The following HAPLN1 variants were observed in gnomAD, a reference collection of about 807,000 sequenced individuals.
The protein encoded by HAPLN1 is Cartilage link protein.
In HAPLN1, 13 loss-of-function variants were observed where a neutral mutation model predicts 36.5. The ratio of observed to expected loss-of-function variants is 0.36; its 90% CI spans 0.23 to 0.57. HAPLN1 has a LOEUF of 0.57. Among genes scored for constraint, HAPLN1 ranks in the 20% least tolerant of loss-of-function variants. The pLI is 0.83. For synonymous variants in HAPLN1, 202 were observed against 169.8 expected, an observed-to-expected ratio of 1.19 and a Z score of -1.48; for missense variants, 407 against 439.7, an observed-to-expected ratio of 0.93 and a Z score of 0.66.
chr5:83,668,200 G>T (rs904603147), intron 2 of HAPLN1, among the ~76,000 whole-genome samples: 1 of 152,118 alleles, frequency 6.6e-6, no homozygotes, highest in African/African-American at 2.4e-5. Flanking sequence ...TTGTGGTAGA[G>T]ACAGATGACA....
At chr5:83,664,351 C>A (rs1207400294) in intron 2 of HAPLN1, among the ~76,000 whole-genome samples, 1 of 151,882 alleles carries the variant, frequency 6.6e-6, no homozygotes, top group Non-Finnish European at 1.5e-5. Context: ...ACTGCCCCCT[C>A]AGTGCTCTCT....
intron 2 of HAPLN1, among the ~76,000 whole-genome samples, chr5:83,660,975 G>T (rs1345551988): frequency 6.6e-6 from 1 of 152,112 alleles, no homozygotes; most frequent in African/African-American, 2.4e-5. Context: ...TGTGCCTGGT[G>T]TACAAAACAG....
At chr5:83,711,814 A>G (rs1054574051) in intron 1 of HAPLN1, among the ~76,000 whole-genome samples, 2 of 152,144 alleles carry the variant, frequency 1.3e-5, no homozygotes, top group African/African-American at 4.8e-5. Flanking sequence ...GATGACACGA[A>G]CTAGGCTTGG....
intron 1 of HAPLN1, among the ~76,000 whole-genome samples, chr5:83,682,894 A>G (rs1017493168): frequency 2.0e-5 from 3 of 152,028 alleles, no homozygotes; most frequent in Non-Finnish European, 4.4e-5. Flanking sequence ...ATTCTCATTT[A>G]CAACTTCTTT....
intron 1 of HAPLN1, among the ~76,000 whole-genome samples, chr5:83,706,161 G>A (rs968147090): frequency 6.8e-6 from 1 of 146,810 alleles, no homozygotes; most frequent in Non-Finnish European, 1.5e-5. Context: ...AATTCCACCA[G>A]TTGTACAAGA....
chr5:83,693,892 A>C (rs2112622654), intron 1 of HAPLN1, among the ~76,000 whole-genome samples: 1 of 152,038 alleles, frequency 6.6e-6, no homozygotes, highest in East Asian at 1.9e-4. Flanking sequence ...TGATGGAACA[A>C]GTAAGCAGAA....
At position 83,644,522 on chromosome 5, in the gene HAPLN1, T is replaced by C. The variant is rs747250371; in HGVS notation, c.616A>G (p.Asn206Asp). The C allele has an allele frequency of 5.6e-6, 9 of 1,612,050 alleles. No individual in the cohort carries two copies. The highest frequency in any genetic ancestry group is 5.0e-5 in the Admixed American group (3 of 59,734). The change falls in exon 4 of 5, where the codon AAT (asparagine) becomes GAT (aspartate). Residue 206 changes from asparagine (N) to aspartate (D), a missense_variant. Coordinates refer to ENST00000274341, the MANE Select transcript of HAPLN1 (RefSeq NM_001884.4). The stretch of plus-strand genomic sequence containing the variant: ...GAGCCATCACTGAGCCAGCCGGCAT[T>C]GCACCAGTCCAGCCCGCCCCGCCAG... Reference protein sequence around the residue: ...DAWRGGLDWCNAGWLSDGSVQ... With the variant: ...DAWRGGLDWCDAGWLSDGSVQ...
intron 1 of HAPLN1, among the ~76,000 whole-genome samples, chr5:83,697,579 A>C (rs1751421258): frequency 6.6e-6 from 1 of 152,300 alleles, no homozygotes; most frequent in East Asian, 1.9e-4. Flanking sequence ...TATGGTAACT[A>C]TATGTTGAGC....
chr5:83,652,394 A>T, intron 3 of HAPLN1, 59 bp downstream of exon 3: 1 of 1,449,556 alleles, frequency 6.9e-7, no homozygotes, highest in Non-Finnish European at 9.2e-7. Context: ...ACTCTTCATG[A>T]AAAAAAAAGC....
At chr5:83,675,456 G>A (rs1580142277) in intron 1 of HAPLN1, 1 of 152,218 alleles carries the variant, frequency 6.6e-6, no homozygotes, top group East Asian at 1.9e-4. Flanking sequence ...GTTCACGTTA[G>A]TGTGGTCATG....
rs1248172103 is a variant in HAPLN1 at position 83,648,395 on chromosome 5, C to CCATA, written c.473-3731_473-3730insTATG. Reference sequence around the variant, plus strand: ...GGATGTGGCCTCTTCCTATATTTGACTATATATATATATATATATATATAT... The same window carrying CCATA: ...GGATGTGGCCTCTTCCTATATTTGACCATATATATATATATATATATATATATAT... On this transcript the variant is annotated intron_variant, in intron 3 of 4. Transcript: ENST00000274341. 3.2e-3 allele frequency among the ~76,000 whole-genome samples: 197 copies of CCATA among 60,652 alleles called. 4 individuals are homozygous for CCATA. The highest frequency in any genetic ancestry group is 0.017 in the Middle Eastern group (2 of 118). The allele number at this position is 60,652 out of a possible 152,430, so 39.8% of individuals were successfully genotyped here. A position where few individuals can be genotyped will look rare whatever the true frequency, so the allele number is the denominator to read the frequency against.
intron 1 of HAPLN1, among the ~76,000 whole-genome samples, chr5:83,676,023 T>G (rs1750851705): frequency 2.0e-5 from 3 of 152,190 alleles, no homozygotes; most frequent in Admixed American, 1.3e-4. Flanking sequence ...AATATAAACA[T>G]TTTTCCCAAG....
intron 1 of HAPLN1, among the ~76,000 whole-genome samples, chr5:83,699,511 T>C (rs770649453): frequency 1.3e-5 from 2 of 152,188 alleles, no homozygotes; most frequent in African/African-American, 2.4e-5. Context: ...AGAGCATGAA[T>C]ATAATTATGT....
At chr5:83,672,425 A>G (rs1257390115) in intron 2 of HAPLN1, among the ~76,000 whole-genome samples, 1 of 152,256 alleles carries the variant, frequency 6.6e-6, no homozygotes, top group Non-Finnish European at 1.5e-5. Context: ...AGAAAAAAAT[A>G]AAGCTGTTGG....
At chr5:83,698,318 TC>T (rs1449278805) in intron 1 of HAPLN1, among the ~76,000 whole-genome samples, 1 of 147,002 alleles carries the variant, frequency 6.8e-6, no homozygotes, top group Non-Finnish European at 1.5e-5. Flanking sequence ...TTTTTCTTTT[TC>T]TTTTCCTGCT....
At chr5:83,712,788 T>C (rs368689958) in intron 1 of HAPLN1, among the ~76,000 whole-genome samples, 7 of 151,650 alleles carry the variant, frequency 4.6e-5, no homozygotes, top group South Asian at 4.2e-4. Flanking sequence ...ATATGTCCCA[T>C]GAAATATTGG....
At position 83,638,333 on chromosome 5, in the gene HAPLN1, A is replaced by G. The variant is rs1749577335; in HGVS notation, c.*3163T>C. The stretch of plus-strand genomic sequence containing the variant: ...TGATATCTATTAAATGCCTTTAAAT[A>G]TTGGTTTTCTTTTAATCAGGTGGCT... On this transcript the variant is annotated 3_prime_UTR_variant, in exon 5 of 5. Coordinates refer to ENST00000274341, the MANE Select transcript of HAPLN1 (RefSeq NM_001884.4). The G allele has an allele frequency of 6.6e-6, 1 of 151,918 alleles. No individual in the cohort carries two copies. Among genetic ancestry groups the G allele is most frequent in the Non-Finnish European group, 1.5e-5 (1 of 67,862 alleles). The allele number at this position is 151,918 out of a possible 1,614,324, so 9.4% of individuals were successfully genotyped here. A position where few individuals can be genotyped will look rare whatever the true frequency, so the allele number is the denominator to read the frequency against.
At chr5:83,656,560 T>C (rs1750223514) in intron 2 of HAPLN1, among the ~76,000 whole-genome samples, 2 of 152,138 alleles carry the variant, frequency 1.3e-5, no homozygotes, top group Non-Finnish European at 2.9e-5. Context: ...AAGAGCTTAA[T>C]TTTGTCCATA....
At chr5:83,675,691 A>G (rs1281434726) in intron 1 of HAPLN1, among the ~76,000 whole-genome samples, 1 of 152,166 alleles carries the variant, frequency 6.6e-6, no homozygotes, top group Non-Finnish European at 1.5e-5. Context: ...AAAATTGTAA[A>G]CGTCTTGAGT....
Sources: allele counts gnomAD v4.1 joint callset (sites outside exome capture counted in the v4.1 genomes callset), GRCh38; gene constraint gnomAD v4.1.1; transcripts MANE v1.5; gene names NCBI Gene and HGNC (gene_info 2026-07-23, HGNC 2026-07-21).